Variants in IGSF21 observed in about 807,000 individuals in gnomAD.
The protein encoded by IGSF21 is immunoglobulin superfamily member 21.
A neutral mutation model predicts 46.8 loss-of-function variants in IGSF21; 28 were observed. The observed-to-expected ratio is 0.60, with a 90% CI of 0.44 to 0.82. The LOEUF is 0.82. Among genes scored for constraint, IGSF21 ranks in the 40% least tolerant of loss-of-function variants. The pLI, the probability that IGSF21 is intolerant of heterozygous loss-of-function variation, is 0.00. For synonymous variants in IGSF21, 284 were observed against 273.6 expected (o/e 1.04, Z -0.38); for missense variants, 624 against 665.5 (o/e 0.94, Z 0.69).
chr1:18,113,610 C>T (rs918860506), intron 1 of IGSF21: 2 of 148,708 alleles, frequency 1.3e-5, no homozygotes, highest in Non-Finnish European at 3.0e-5. Flanking sequence ...CACCCCACCC[C>T]CACCCCACCC....
intron 1 of IGSF21, among the ~76,000 whole-genome samples, chr1:18,117,518 A>C (rs2086198482): frequency 6.6e-6 from 1 of 152,166 alleles, no homozygotes; most frequent in African/African-American, 2.4e-5. Context: ...CTTCAACCGC[A>C]CTTGTCACTC....
intron 5 of IGSF21, among the ~76,000 whole-genome samples, chr1:18,362,489 A>G (rs1045535311): frequency 1.3e-5 from 2 of 152,234 alleles, no homozygotes; most frequent in Non-Finnish European, 2.9e-5. Flanking sequence ...TCACAGCAGG[A>G]GCAGCCTTTC....
At chr1:18,163,575 G>A (rs1038481813) in intron 1 of IGSF21, among the ~76,000 whole-genome samples, 1 of 152,182 alleles carries the variant, frequency 6.6e-6, no homozygotes, top group African/African-American at 2.4e-5. Context: ...ATCGGTCTCG[G>A]TTTCCCCAGC....
intron 1 of IGSF21, among the ~76,000 whole-genome samples, chr1:18,164,496 G>T (rs559692499): frequency 6.6e-6 from 1 of 151,588 alleles, no homozygotes; most frequent in Non-Finnish European, 1.5e-5. Context: ...TACAATTTAC[G>T]CTCCCCCCAG....
chr1:18,378,137 C>T (rs554614196), intron 9 of IGSF21, 119 bp from the exon 10 acceptor site: 47 of 776,664 alleles, frequency 6.1e-5, no homozygotes, highest in Non-Finnish European at 8.4e-5. Flanking sequence ...AGCTGGGCTT[C>T]GAACCCAGTT....
At chr1:18,264,585 T>C (rs1461294254) in intron 2 of IGSF21, among the ~76,000 whole-genome samples, 2 of 152,188 alleles carry the variant, frequency 1.3e-5, no homozygotes, top group African/African-American at 4.8e-5. Flanking sequence ...TGAGGACAGA[T>C]AGCCCCTAGG....
chr1:18,173,568 A>G (rs188637175), intron 1 of IGSF21, among the ~76,000 whole-genome samples: 51 of 152,278 alleles, frequency 3.3e-4, no homozygotes, highest in African/African-American at 1.2e-3. Flanking sequence ...CAGTGGAAGC[A>G]TACAGTTTGT....
chr1:18,315,234 T>C (rs1004344888), intron 3 of IGSF21, among the ~76,000 whole-genome samples: 6 of 152,146 alleles, frequency 3.9e-5, no homozygotes, highest in Admixed American at 3.9e-4. Flanking sequence ...AGAGTTTTGC[T>C]CCTCCTCCTG....
intron 1 of IGSF21, among the ~76,000 whole-genome samples, chr1:18,108,946 G>T (rs956427664): frequency 1.9e-4 from 29 of 150,416 alleles, no homozygotes; most frequent in Non-Finnish European, 4.0e-4. Flanking sequence ...GTGCAGGGAG[G>T]TATGGACGCT....
intron 1 of IGSF21, among the ~76,000 whole-genome samples, chr1:18,157,177 A>G (rs1346178955): frequency 3.3e-5 from 5 of 152,204 alleles, no homozygotes; most frequent in African/African-American, 9.6e-5. Flanking sequence ...ATAACTTTCT[A>G]CAACCCTCAC....
At chr1:18,115,839 A>T (rs1216470158) in intron 1 of IGSF21, 1 of 93,036 alleles carries the variant, frequency 1.1e-5, no homozygotes, top group African/African-American at 4.8e-5. Flanking sequence ...GGAAGGAAGG[A>T]AGGAAGAAAG....
chr1:18,190,290 T>C (rs1159246136), intron 1 of IGSF21, among the ~76,000 whole-genome samples: 1 of 152,194 alleles, frequency 6.6e-6, no homozygotes, highest in Non-Finnish European at 1.5e-5. Context: ...GTCTTGAGAG[T>C]ACCGCAATCT....
intron 6 of IGSF21, among the ~76,000 whole-genome samples, chr1:18,370,805 T>C (rs550114229): frequency 1.0e-3 from 153 of 152,316 alleles, no homozygotes; most frequent in Non-Finnish European, 1.5e-3. Flanking sequence ...TACAAATGGC[T>C]AATAAACATG....
chr1:18,373,528 G>A lies in IGSF21; in HGVS notation c.1016-2782G>A, dbSNP rs560882997. Among the ~76,000 whole-genome samples the A allele has an allele frequency of 7.2e-5, 11 of 152,232 alleles. No homozygotes were observed. The East Asian group carries it at 1.9e-3, about 27-fold the overall frequency. On this transcript the variant is annotated intron_variant, in intron 6 of 9. Coordinates refer to ENST00000251296, the MANE Select transcript of IGSF21 (RefSeq NM_032880.5). ...GAGTCAGGGACCATCGGCTGCAAAC[G>A]CACTTGTCTAGTGGCAGCTGCCAGG...
intron 1 of IGSF21, among the ~76,000 whole-genome samples, chr1:18,199,037 G>A (rs1039874732): frequency 6.6e-5 from 10 of 151,950 alleles, no homozygotes; most frequent in African/African-American, 1.5e-4. Context: ...CTTCCCCAGC[G>A]GGCCTTGGAC....
At chr1:18,360,115 A>C (rs2086083754) in intron 4 of IGSF21, among the ~76,000 whole-genome samples, 1 of 152,200 alleles carries the variant, frequency 6.6e-6, no homozygotes, top group Non-Finnish European at 1.5e-5. Context: ...CTGATTCCTA[A>C]GAGTTAGCCG....
chr1:18,207,183 A>G (rs1050344999), intron 1 of IGSF21, among the ~76,000 whole-genome samples: 3 of 152,302 alleles, frequency 2.0e-5, no homozygotes, highest in Non-Finnish European at 4.4e-5. Flanking sequence ...TTCAAAGACA[A>G]TGAGGGCATG....
At chr1:18,127,063 T>G (rs533805589) in intron 1 of IGSF21, among the ~76,000 whole-genome samples, 4 of 152,286 alleles carry the variant, frequency 2.6e-5, no homozygotes, top group Non-Finnish European at 5.9e-5. Context: ...TCATGTTCCA[T>G]CTACCAGTGA....
chr1:18,185,141 AT>A (rs2086891491), intron 1 of IGSF21, among the ~76,000 whole-genome samples: 1 of 152,188 alleles, frequency 6.6e-6, no homozygotes, highest in Admixed American at 6.5e-5. Flanking sequence ...TAGAGATGGG[AT>A]TAGAACCCCT....
Sources: gnomAD v4.1 joint callset for allele counts (sites outside exome capture counted in the v4.1 genomes callset) on GRCh38, gnomAD v4.1.1 for gene constraint, MANE v1.5 for transcripts, NCBI Gene and HGNC (gene_info 2026-07-23, HGNC 2026-07-21) for gene names.